PDE1A: variants seen among roughly 807,000 people sequenced by gnomAD.
PDE1A encodes dual specificity calcium/calmodulin-dependent 3',5'-cyclic nucleotide phosphodiesterase 1A.
In PDE1A, 35 loss-of-function variants were observed where a neutral mutation model predicts 61.7. That is an observed-to-expected ratio of 0.57 (90% CI 0.43 to 0.75). PDE1A has a LOEUF of 0.75. PDE1A is among the 30% of genes least tolerant of loss of function. PDE1A has a pLI of 0.00. For missense variants in PDE1A, 597 were observed against 630.6 expected (o/e 0.95, Z 0.57); for synonymous variants, 232 against 213.2 (o/e 1.09, Z -0.77).
chr2:182,571,171 A>T, the PDE1A span, among the ~76,000 whole-genome samples: 1 of 152,208 alleles, frequency 6.6e-6, no homozygotes, highest in South Asian at 2.1e-4. Flanking sequence ...TTATGAGAAG[A>T]ATGGTAAGAG....
chr2:182,265,654 T>C (rs1013067823), intron 1 of PDE1A, among the ~76,000 whole-genome samples: 2 of 152,154 alleles, frequency 1.3e-5, no homozygotes, highest in Non-Finnish European at 2.9e-5. Context: ...AGGTAACTAA[T>C]AAAGTAAGGT....
chr2:182,408,480 T>C (rs1702428981), intron 1 of PDE1A, among the ~76,000 whole-genome samples: 1 of 152,222 alleles, frequency 6.6e-6, no homozygotes, highest in Non-Finnish European at 1.5e-5. Context: ...GCTTATTAAA[T>C]GGTAACTATC....
chr2:182,218,190 A>G (rs1447554847), intron 7 of PDE1A, among the ~76,000 whole-genome samples: 1 of 148,206 alleles, frequency 6.7e-6, no homozygotes, highest in African/African-American at 2.5e-5. Flanking sequence ...AACACCGCAT[A>G]TTCTCACTCA....
intron 13 of PDE1A, among the ~76,000 whole-genome samples, chr2:182,174,002 G>A (rs1692487180): frequency 6.6e-6 from 1 of 152,012 alleles, no homozygotes; most frequent in African/African-American, 2.4e-5. Flanking sequence ...GAGGCCCACT[G>A]GTGAGTACTA....
chr2:182,525,339 C>T (rs1690762836), upstream of PDE1A, among the ~76,000 whole-genome samples: 2 of 151,936 alleles, frequency 1.3e-5, no homozygotes, highest in Non-Finnish European at 2.9e-5. Context: ...TGCTGGTGTT[C>T]CTTTTGTTTA....
chr2:182,524,119 T>C (rs1690717886), upstream of PDE1A, among the ~76,000 whole-genome samples: 1 of 152,194 alleles, frequency 6.6e-6, no homozygotes. Flanking sequence ...AAGTGAATCT[T>C]TGCCCTGAAA....
intron 1 of PDE1A, among the ~76,000 whole-genome samples, chr2:182,269,474 A>G (rs1399706572): frequency 6.6e-6 from 1 of 151,988 alleles, no homozygotes; most frequent in African/African-American, 2.4e-5. Context: ...GGGCAACAAG[A>G]GTGAAAAATC....
chr2:182,291,236 T>C (rs1192552356), intron 1 of PDE1A, among the ~76,000 whole-genome samples: 1 of 152,106 alleles, frequency 6.6e-6, no homozygotes, highest in Non-Finnish European at 1.5e-5. Flanking sequence ...AAACCACACA[T>C]TCAACCAAGA....
chr2:182,299,836 A>C (rs1428847349), intron 1 of PDE1A, among the ~76,000 whole-genome samples: 1 of 152,174 alleles, frequency 6.6e-6, no homozygotes, highest in Non-Finnish European at 1.5e-5. Context: ...TGTCTAACAC[A>C]ATATAGTCTG....
exon 13 of PDE1A, chr2:182,185,944 C>A: frequency 3.7e-6 from 6 of 1,614,030 alleles, no homozygotes; most frequent in Non-Finnish European, 5.1e-6. Context: ...TGATGTCCAC[C>A]AGGTTGTTCT....
intron 2 of PDE1A, among the ~76,000 whole-genome samples, chr2:182,516,632 C>A (rs940007703): frequency 6.9e-6 from 1 of 145,730 alleles, no homozygotes; most frequent in African/African-American, 2.6e-5. Flanking sequence ...GAGTGAGATC[C>A]TATCTGAAAA....
At chr2:182,488,926 AG>A (rs1688198355) in intron 2 of PDE1A, among the ~76,000 whole-genome samples, 1 of 152,254 alleles carries the variant, frequency 6.6e-6, no homozygotes, top group Non-Finnish European at 1.5e-5. Context: ...TCAAAAGCAA[AG>A]TAAAAGTGCC....
At chr2:182,530,353 G>A in the PDE1A span, among the ~76,000 whole-genome samples, 1 of 152,064 alleles carries the variant, frequency 6.6e-6, no homozygotes, top group African/African-American at 2.4e-5. Flanking sequence ...AAGCAGGGGG[G>A]TGGGAAAACT....
intron 1 of PDE1A, among the ~76,000 whole-genome samples, chr2:182,422,592 G>A (rs188865322): frequency 1.3e-5 from 2 of 152,256 alleles, no homozygotes; most frequent in African/African-American, 4.8e-5. Context: ...TAAGCAAGAT[G>A]AGTATGCAAT....
chr2:182,543,678 C>T, the PDE1A span, among the ~76,000 whole-genome samples: 1 of 151,616 alleles, frequency 6.6e-6, no homozygotes, highest in African/African-American at 2.4e-5. Flanking sequence ...GGAAACAGTT[C>T]TTTTAGAAAT....
At chr2:182,675,122 A>G in the PDE1A span, among the ~76,000 whole-genome samples, 2 of 151,994 alleles carry the variant, frequency 1.3e-5, no homozygotes, top group Admixed American at 6.6e-5. Flanking sequence ...TCTACCCTCA[A>G]GTAGGACCCA....
chr2:182,175,002 T>A (rs1676970319), intron 13 of PDE1A, among the ~76,000 whole-genome samples: 1 of 152,172 alleles, frequency 6.6e-6, no homozygotes, highest in African/African-American at 2.4e-5. Flanking sequence ...GTATTTGGTT[T>A]TCTGTTCCTG....
chr2:182,424,447 G>C (rs2125598695), intron 1 of PDE1A, among the ~76,000 whole-genome samples: 1 of 152,278 alleles, frequency 6.6e-6, no homozygotes, highest in South Asian at 2.1e-4. Flanking sequence ...TACTGAGAAG[G>C]AAAGGTCTAG....
upstream of PDE1A, among the ~76,000 whole-genome samples, chr2:182,527,435 G>A (rs1247394466): frequency 3.5e-5 from 5 of 143,296 alleles, no homozygotes; most frequent in African/African-American, 1.3e-4. Context: ...GTGTGTGCCT[G>A]TAGTCCCTGC....
Sources: gnomAD v4.1 joint callset for allele counts (sites outside exome capture counted in the v4.1 genomes callset) on GRCh38, gnomAD v4.1.1 for gene constraint, MANE v1.5 for transcripts, NCBI Gene and HGNC (gene_info 2026-07-23, HGNC 2026-07-21) for gene names.